POU2F1: variants seen among roughly 807,000 people sequenced by gnomAD.
POU2F1 encodes the protein POU domain, class 2, transcription factor 1.
In POU2F1, 16 loss-of-function variants were observed where a neutral mutation model predicts 84.9. That is an observed-to-expected ratio of 0.19 (90% CI 0.13 to 0.29). POU2F1 has a LOEUF of 0.29. POU2F1 is among the 10% of genes least tolerant of loss of function. The pLI, the probability that POU2F1 is intolerant of heterozygous loss-of-function variation, is 1.00. For missense variants in POU2F1, 738 were observed against 942.6 expected, an observed-to-expected ratio of 0.78 and a Z score of 2.84; for synonymous variants, 368 against 368.3, an observed-to-expected ratio of 1.00 and a Z score of 0.01.
At chr1:167,314,400 G>T (rs2102611566) in intron 1 of POU2F1, among the ~76,000 whole-genome samples, 1 of 152,326 alleles carries the variant, frequency 6.6e-6, no homozygotes, top group South Asian at 2.1e-4. Flanking sequence ...AATGCTAGTA[G>T]ATTTGGAGAA....
intron 2 of POU2F1, among the ~76,000 whole-genome samples, chr1:167,364,313 G>A (rs1571374672): frequency 2.0e-5 from 3 of 151,544 alleles, no homozygotes; most frequent in African/African-American, 4.8e-5. Flanking sequence ...GGCGGATCAC[G>A]AGGTCAGGAG....
In POU2F1 at chr1:167,415,603, G is replaced by A; in HGVS notation, c.2094G>A (p.Leu698=). The part of the protein sequence containing the change: ...GGAPNIVTAP[L]FLNPQNLSLL... ...CCCCCAACATCGTGACTGCCCCTCT[G>A]TTCCTGAACCCTCAGAACCTCTCTC... The change falls in exon 16 of 16, where the codon CTG becomes CTA. Residue 698 remains leucine (L), a synonymous_variant. Coordinates refer to ENST00000367866, the MANE Select transcript of POU2F1 (RefSeq NM_002697.4). 14 of 1,614,166 alleles carry A rather than the reference G, an allele frequency of 8.7e-6. No homozygotes were observed. The highest frequency in any genetic ancestry group is 1.2e-5 in the Non-Finnish European group (14 of 1,180,036).
At chr1:167,256,665 G>A (rs186014263) in intron 1 of POU2F1, among the ~76,000 whole-genome samples, 17 of 152,266 alleles carry the variant, frequency 1.1e-4, no homozygotes, top group Admixed American at 1.1e-3. Context: ...TACGCCACCC[G>A]AAAAGTTACG....
intron 2 of POU2F1, among the ~76,000 whole-genome samples, chr1:167,363,431 C>A (rs1314180770): frequency 1.3e-5 from 2 of 152,142 alleles, no homozygotes; most frequent in Non-Finnish European, 2.9e-5. Flanking sequence ...TAATGCTGTA[C>A]TATCTTAAAA....
chr1:167,232,108 G>A (rs1173046214), intron 1 of POU2F1, among the ~76,000 whole-genome samples: 1 of 152,174 alleles, frequency 6.6e-6, no homozygotes, highest in East Asian at 1.9e-4. Context: ...GGGCCTCAGA[G>A]CCCCTGTGAC....
chr1:167,323,953 A>G (rs974833485), intron 1 of POU2F1, among the ~76,000 whole-genome samples: 1 of 152,182 alleles, frequency 6.6e-6, no homozygotes. Context: ...TAGGACTCCC[A>G]AAGTGTTGGG....
chr1:167,353,860 C>A (rs896266168), intron 2 of POU2F1, among the ~76,000 whole-genome samples: 4 of 152,194 alleles, frequency 2.6e-5, no homozygotes, highest in Non-Finnish European at 5.9e-5. Flanking sequence ...GTAGGCCCAC[C>A]CTGAACATAT....
intron 1 of POU2F1, among the ~76,000 whole-genome samples, chr1:167,248,699 T>C (rs1218721855): frequency 6.6e-6 from 1 of 152,176 alleles, no homozygotes; most frequent in African/African-American, 2.4e-5. Context: ...GTATGTTCCT[T>C]GTAGTACTGA....
intron 7 of POU2F1, among the ~76,000 whole-genome samples, chr1:167,381,602 T>TC (rs1647553277): frequency 7.6e-6 from 1 of 131,028 alleles, no homozygotes; most frequent in Non-Finnish European, 1.6e-5. Flanking sequence ...TGCTCTCTTC[T>TC]CTTTTTTTTT....
chr1:167,405,253 A>G (rs1330608507), intron 13 of POU2F1, among the ~76,000 whole-genome samples: 2 of 152,198 alleles, frequency 1.3e-5, no homozygotes, highest in Non-Finnish European at 2.9e-5. Context: ...TATAGCAACT[A>G]TAATTATATA....
intron 1 of POU2F1, among the ~76,000 whole-genome samples, chr1:167,223,243 G>C (rs1260854140): frequency 6.6e-6 from 1 of 152,106 alleles, no homozygotes; most frequent in Non-Finnish European, 1.5e-5. Flanking sequence ...CCTGATCTTG[G>C]AACTTATTCT....
At chr1:167,394,147 G>GT (rs1648634167) in intron 9 of POU2F1, among the ~76,000 whole-genome samples, 1 of 152,000 alleles carries the variant, frequency 6.6e-6, no homozygotes, top group Non-Finnish European at 1.5e-5. Flanking sequence ...AGCCTTCTGA[G>GT]TAGCTGGGAT....
chr1:167,389,370 C>T (rs1165551838), intron 8 of POU2F1, among the ~76,000 whole-genome samples: 2 of 152,106 alleles, frequency 1.3e-5, no homozygotes, highest in African/African-American at 4.8e-5. Context: ...TTTGTGTATT[C>T]ATGTTTTTTC....
chr1:167,378,471 A>G (rs926623430), intron 7 of POU2F1, among the ~76,000 whole-genome samples: 1 of 150,036 alleles, frequency 6.7e-6, no homozygotes. Context: ...CAGCAGCACA[A>G]TTTCAGCTCA....
chr1:167,359,346 C>T (rs1225515737), intron 2 of POU2F1, among the ~76,000 whole-genome samples: 1 of 152,140 alleles, frequency 6.6e-6, no homozygotes, highest in Non-Finnish European at 1.5e-5. Flanking sequence ...CCCTTGCCTT[C>T]TCCTTCCCTT....
intron 1 of POU2F1, among the ~76,000 whole-genome samples, chr1:167,228,969 CTT>C (rs1648855191): frequency 6.6e-6 from 1 of 152,072 alleles, no homozygotes; most frequent in Non-Finnish European, 1.5e-5. Flanking sequence ...TAAAATAAAA[CTT>C]AGATTAAGTG....
chr1:167,376,949 A>G (rs1660368122), intron 7 of POU2F1, among the ~76,000 whole-genome samples: 1 of 152,222 alleles, frequency 6.6e-6, no homozygotes, highest in South Asian at 2.1e-4. Context: ...ACACAATGCT[A>G]TGGGAACCAA....
intron 1 of POU2F1, among the ~76,000 whole-genome samples, chr1:167,328,334 T>C (rs1656844657): frequency 6.6e-6 from 1 of 152,220 alleles, no homozygotes; most frequent in Non-Finnish European, 1.5e-5. Flanking sequence ...TTGCACTGCT[T>C]CTGGGTTTAC....
intron 7 of POU2F1, among the ~76,000 whole-genome samples, chr1:167,376,796 AT>A (rs1660359449): frequency 6.6e-6 from 1 of 152,104 alleles, no homozygotes; most frequent in Admixed American, 6.6e-5. Context: ...CTTCTTGATC[AT>A]TCATTCCAAA....
Sources: gnomAD v4.1 joint callset for allele counts (sites outside exome capture counted in the v4.1 genomes callset) on GRCh38, gnomAD v4.1.1 for gene constraint, MANE v1.5 for transcripts, NCBI Gene and HGNC (gene_info 2026-07-23, HGNC 2026-07-21) for gene names.